The following TMC2 variants were observed in gnomAD, a reference collection of about 807,000 sequenced individuals.
TMC2 encodes the protein transmembrane channel-like protein 2.
A neutral mutation model predicts 105.9 loss-of-function variants in TMC2; 102 were observed. The observed-to-expected ratio is 0.96, with a 90% confidence interval of 0.82 to 1.14. The LOEUF (loss-of-function observed/expected upper bound fraction) is 1.14, where lower values mean the gene tolerates loss of function less well. Among genes scored for constraint, TMC2 ranks in the 50% most tolerant of loss-of-function variants. The pLI is 0.00. For synonymous variants in TMC2, 402 were observed against 422.8 expected, an observed-to-expected ratio of 0.95 and a Z score of 0.60; for missense variants, 1,093 against 1,134.3, an observed-to-expected ratio of 0.96 and a Z score of 0.52.
chr20:2,595,917 G>A (rs1210773603), intron 9 of TMC2, among the ~76,000 whole-genome samples: 1 of 152,212 alleles, frequency 6.6e-6, no homozygotes, highest in Non-Finnish European at 1.5e-5. Flanking sequence ...GCACTCGACA[G>A]TGACCACTGG....
chr20:2,599,131 A>G (rs2086330855), intron 10 of TMC2, among the ~76,000 whole-genome samples: 1 of 152,018 alleles, frequency 6.6e-6, no homozygotes, highest in South Asian at 2.1e-4. Flanking sequence ...TCCTGACCTC[A>G]AATGATCCAC....
intron 13 of TMC2, 152 bp from the exon 14 acceptor site, chr20:2,613,042 T>G: frequency 2.1e-6 from 2 of 952,106 alleles, no homozygotes; most frequent in Non-Finnish European, 3.0e-6. Context: ...GAGCCAGGAG[T>G]CGCCTCTCTT....
intron 7 of TMC2, among the ~76,000 whole-genome samples, chr20:2,584,380 C>T (rs1185359725): frequency 7.1e-6 from 1 of 140,926 alleles, no homozygotes; most frequent in African/African-American, 2.9e-5. Context: ...GGAGGCGGAG[C>T]TTGCAGTGAG....
intron 7 of TMC2, among the ~76,000 whole-genome samples, chr20:2,585,535 A>G (rs2146204398): frequency 6.6e-6 from 1 of 152,318 alleles, no homozygotes; most frequent in East Asian, 1.9e-4. Flanking sequence ...CCTACGGTCT[A>G]GGTTTTGACC....
chr20:2,608,300 T>TTTATTTTTTTTTATTATTATTA (rs369930519), intron 11 of TMC2, among the ~76,000 whole-genome samples: 1 of 134,602 alleles, frequency 7.4e-6, no homozygotes, highest in African/African-American at 2.7e-5. Context: ...CTTATTTTTA[T>TTTATTTTTTTTTATTATTATTA]TTATTATTAT....
In TMC2 at chr20:2,617,107, T is replaced by C. The variant is rs911265064; in HGVS notation, c.1976T>C (p.Ile659Thr). 12 of 1,614,090 alleles carry C rather than the reference T, an allele frequency of 7.4e-6. No individual in the cohort carries two copies. The East Asian group carries it at 2.2e-4, about 30-fold the overall frequency. The change falls in exon 16 of 20, where the codon ATT becomes ACT. Residue 659 changes from isoleucine to threonine, a missense_variant. Transcript: ENST00000358864. ...GSFYAPGLVG[I>T]NVLRLLTSMY... is the part of the protein sequence containing the mutation. ...TTCTATGCTCCAGGCCTGGTGGGCA[T>C]TAATGTGCTGCGCCTGCTGACCTCC... is the stretch of plus-strand genomic sequence containing the variant.
At chr20:2,627,002 TTTGA>T (rs1347974051) in intron 17 of TMC2, among the ~76,000 whole-genome samples, 3 of 152,294 alleles carry the variant, frequency 2.0e-5, no homozygotes, top group South Asian at 4.2e-4. Flanking sequence ...TGGTCAGCTG[TTTGA>T]TTGATCACGG....
At chr20:2,617,988 G>A (rs1421972479) in intron 16 of TMC2, 1 of 152,540 alleles carries the variant, frequency 6.6e-6, no homozygotes, top group East Asian at 1.9e-4. Context: ...TATGATTACA[G>A]GCGTGAGCCA....
rs939390935 is a variant in TMC2 at position 2,558,016 on chromosome 20, G to C, written c.83-440G>C. Among the ~76,000 whole-genome samples the C allele has an allele frequency of 7.9e-5, 12 of 152,180 alleles. No individual in the cohort carries two copies. Among genetic ancestry groups the C allele is most frequent in the Admixed American group, 7.9e-4 (12 of 15,284 alleles). ...AGGGAACACAAGAGCCTTCAGAAAC[G>C]AAGACCCAAATATACAGGGAAAACT... is the stretch of plus-strand genomic sequence containing the variant. On this transcript the variant is annotated intron_variant, in intron 2 of 19. Coordinates refer to ENST00000358864, the MANE Select transcript of TMC2 (RefSeq NM_080751.3). The surrounding 1 kb of genome is among the most constrained non-coding windows in gnomAD (Gnocchi z 4.6).
intron 9 of TMC2, 109 bp downstream of exon 9, chr20:2,595,076 G>A (rs1302302208): frequency 3.4e-5 from 43 of 1,262,166 alleles, no homozygotes; most frequent in Non-Finnish European, 4.1e-5. Flanking sequence ...GAGAAAACAG[G>A]AAATGAGCAC....
intron 9 of TMC2, 82 bp from the exon 10 acceptor site, chr20:2,597,069 C>T (rs1439830655): frequency 2.2e-5 from 33 of 1,502,070 alleles, no homozygotes; most frequent in Middle Eastern, 2.3e-4. Flanking sequence ...TACCTGTGTC[C>T]GAGACTGGCT....
intron 16 of TMC2, among the ~76,000 whole-genome samples, chr20:2,622,085 T>C (rs1482305190): frequency 6.6e-6 from 1 of 152,194 alleles, no homozygotes; most frequent in African/African-American, 2.4e-5. Context: ...TGCCTGGCAC[T>C]TGAAATGCCA....
intron 2 of TMC2, among the ~76,000 whole-genome samples, chr20:2,551,771 G>A (rs984231357): frequency 3.9e-5 from 6 of 152,048 alleles, no homozygotes; most frequent in Admixed American, 3.3e-4. Context: ...TTTCTCCATC[G>A]TCAAAGGTTG....
At chr20:2,561,258 T>C (rs996854421) in intron 3 of TMC2, among the ~76,000 whole-genome samples, 7 of 152,336 alleles carry the variant, frequency 4.6e-5, no homozygotes, top group Middle Eastern at 3.4e-3. Flanking sequence ...CTTGATTCAG[T>C]TCTTGGGAAT....
chr20:2,558,807 CCG>C lies in TMC2; in HGVS notation c.401+39_401+40del. ...GTGGCTCCGATTCTGGGCATTCGCTCCGCGCGCTCCCGCTCCTTCGCGGCCCT... is the reference window on the plus strand; with the variant it reads ...GTGGCTCCGATTCTGGGCATTCGCTCCGCGCTCCCGCTCCTTCGCGGCCCT... On this transcript the variant is annotated intron_variant, in intron 3 of 19. Transcript: ENST00000358864. This position sits in a 1 kb window ranked among gnomAD's most constrained non-coding sequence, Gnocchi z 4.6. The C allele has an allele frequency of 6.7e-7, 1 of 1,494,998 alleles. No homozygotes were observed. Among genetic ancestry groups the C allele is most frequent in the Non-Finnish European group, 8.9e-7 (1 of 1,122,662 alleles). 92.6% of individuals were successfully genotyped at this position (1,494,998 alleles called of 1,614,324 possible).
intron 2 of TMC2, among the ~76,000 whole-genome samples, chr20:2,557,439 G>A (rs1400006630): frequency 6.6e-6 from 1 of 152,086 alleles, no homozygotes; most frequent in Non-Finnish European, 1.5e-5. Flanking sequence ...GTTTCTTAGA[G>A]TTTCAATCTC....
chr20:2,567,108 C>A (rs748665438), intron 4 of TMC2, among the ~76,000 whole-genome samples: 16 of 152,220 alleles, frequency 1.1e-4, no homozygotes, highest in Non-Finnish European at 1.9e-4. Flanking sequence ...CAGGAATTTT[C>A]ATCCCCAGCA....
chr20:2,566,627 CCCT>C (rs1368478192), intron 4 of TMC2, among the ~76,000 whole-genome samples: 1 of 152,156 alleles, frequency 6.6e-6, no homozygotes. Context: ...AGACGCTTTT[CCCT>C]ATTCTTCCCA....
intron 11 of TMC2, 104 bp from the exon 12 acceptor site, chr20:2,610,315 A>G: frequency 9.2e-7 from 1 of 1,089,130 alleles, no homozygotes. Context: ...GGCGCAGCAG[A>G]GGGGGCAGCA....
Sources: gnomAD v4.1 joint callset for allele counts (sites outside exome capture counted in the v4.1 genomes callset) on GRCh38, gnomAD v4.1.1 for gene constraint, Gnocchi (gnomAD v3.1) non-coding constraint, MANE v1.5 for transcripts, NCBI Gene and HGNC (gene_info 2026-07-23, HGNC 2026-07-21) for gene names.